The following SORCS1 variants were observed in gnomAD, a reference collection of about 807,000 sequenced individuals.
The protein encoded by SORCS1 is VPS10 domain-containing receptor SorCS1.
SORCS1 carries 60 observed loss-of-function variants against 146.1 expected under a neutral mutation model. The observed-to-expected ratio is 0.41, with a 90% confidence interval of 0.33 to 0.51. The LOEUF (loss-of-function observed/expected upper bound fraction) is 0.51. Among genes scored for constraint, SORCS1 ranks in the 20% least tolerant of loss-of-function variants. SORCS1 has a pLI of 0.21. For synonymous variants in SORCS1, 637 were observed against 584.0 expected, an observed-to-expected ratio of 1.09 and a Z score of -1.31; for missense variants, 1,352 against 1,487.6, an observed-to-expected ratio of 0.91 and a Z score of 1.50.
intron 2 of SORCS1, among the ~76,000 whole-genome samples, chr10:106,889,206 A>G (rs1951122340): frequency 6.6e-6 from 1 of 152,140 alleles, no homozygotes; most frequent in African/African-American, 2.4e-5. Flanking sequence ...CTTGGCAGAA[A>G]GCTCAATCTC....
intron 1 of SORCS1, among the ~76,000 whole-genome samples, chr10:107,076,329 T>C (rs1335756051): frequency 6.6e-6 from 1 of 152,162 alleles, no homozygotes; most frequent in Non-Finnish European, 1.5e-5. Flanking sequence ...ATCTACTTAA[T>C]ATTGCATAAG....
In SORCS1 at chr10:106,808,044, G is replaced by A. The variant is rs555244251; in HGVS notation, c.726+21530C>T. Among the ~76,000 whole-genome samples the A allele has an allele frequency of 5.9e-5, 9 of 152,200 alleles. No homozygotes were observed. The South Asian group carries it at 1.9e-3, about 32-fold the overall frequency. On this transcript the variant is annotated intron_variant, in intron 3 of 25. Coordinates refer to ENST00000263054, the MANE Select transcript of SORCS1 (RefSeq NM_052918.5). ...TTTATTTATTTTTATTTTTTTGATG[G>A]AGTTTCGCTCTTGTTGCCCAGGCTG...
intron 2 of SORCS1, among the ~76,000 whole-genome samples, chr10:106,886,743 A>G (rs1313361324): frequency 6.6e-6 from 1 of 152,252 alleles, no homozygotes; most frequent in Non-Finnish European, 1.5e-5. Context: ...TCTAGAATCC[A>G]GACCCTATAA....
intron 1 of SORCS1, among the ~76,000 whole-genome samples, chr10:107,095,474 C>A (rs985755666): frequency 6.6e-6 from 1 of 152,090 alleles, no homozygotes; most frequent in African/African-American, 2.4e-5. Context: ...AGGAAAAAAG[C>A]CACTGAAAGT....
At chr10:107,152,095 A>G (rs893376195) in intron 1 of SORCS1, among the ~76,000 whole-genome samples, 22 of 152,180 alleles carry the variant, frequency 1.4e-4, no homozygotes, top group Non-Finnish European at 2.6e-4. Context: ...GCTGTGGCTA[A>G]AAGAGGCCAA....
Position 107,164,581 on chromosome 10 carries a change from A to C in SORCS1, c.-55T>G. On this transcript the variant is annotated 5_prime_UTR_variant, in exon 1 of 26. Transcript: ENST00000263054. This position sits in a 1 kb window ranked among gnomAD's most constrained non-coding sequence, Gnocchi z 6.8. ...GTCCCAGAACGAAGGTGGCGGCACGAGCTCTGCGCTGGCGGCTGTGGGGGG... is the reference window on the plus strand; with the variant it reads ...GTCCCAGAACGAAGGTGGCGGCACGCGCTCTGCGCTGGCGGCTGTGGGGGG... 7.7e-7 allele frequency: 1 copy of C among 1,294,736 alleles called. No homozygotes were observed. Among genetic ancestry groups the C allele is most frequent in the African/African-American group, 1.6e-5 (1 of 64,100 alleles). The allele number at this position is 1,294,736 out of a possible 1,614,324, so 80.2% of individuals were successfully genotyped here. A position where few individuals can be genotyped will look rare whatever the true frequency, so the allele number is the denominator to read the frequency against.
chr10:106,881,141 G>T (rs1363837932), intron 2 of SORCS1, among the ~76,000 whole-genome samples: 1 of 149,856 alleles, frequency 6.7e-6, no homozygotes, highest in Non-Finnish European at 1.5e-5. Context: ...AAAGAGCAAT[G>T]ACTTTAGAAC....
At chr10:106,626,057 C>T (rs1203847485) in intron 19 of SORCS1, among the ~76,000 whole-genome samples, 2 of 152,166 alleles carry the variant, frequency 1.3e-5, no homozygotes, top group African/African-American at 4.8e-5. Flanking sequence ...GGAACATCGG[C>T]TCCATTTGTT....
At chr10:106,911,867 C>T (rs754106685) in intron 2 of SORCS1, among the ~76,000 whole-genome samples, 1 of 152,112 alleles carries the variant, frequency 6.6e-6, no homozygotes, top group Non-Finnish European at 1.5e-5. Context: ...GATCCCAGAA[C>T]TTTGGGAGGC....
intron 3 of SORCS1, among the ~76,000 whole-genome samples, chr10:106,806,660 T>G (rs1266295884): frequency 6.6e-6 from 1 of 150,838 alleles, no homozygotes; most frequent in East Asian, 2.0e-4. Flanking sequence ...GGAGTACAGG[T>G]GCCCGCCACC....
In SORCS1 at chr10:106,674,153, A is replaced by AG. The variant is rs1181202493; in HGVS notation, c.1940+895_1940+896insC. 7.2e-4 allele frequency among the ~76,000 whole-genome samples: 3 copies of AG among 4,138 alleles called. No homozygotes were observed. The Non-Finnish European group carries it at 8.1e-3, about 11-fold the overall frequency. The allele number at this position is 4,138 out of a possible 152,430, so 2.7% of individuals were successfully genotyped here. A position where few individuals can be genotyped will look rare whatever the true frequency, so the allele number is the denominator to read the frequency against. On this transcript the variant is annotated intron_variant, in intron 14 of 25. Coordinates refer to ENST00000263054, the MANE Select transcript of SORCS1 (RefSeq NM_052918.5). The stretch of plus-strand genomic sequence containing the variant: ...AACGTGGTGAAACTCTGTCTCTACT[A>AG]AAAAAAAAAAAAAAATTATAAAAAA...
chr10:107,156,585 C>T (rs1029586856), intron 1 of SORCS1, among the ~76,000 whole-genome samples: 4 of 152,194 alleles, frequency 2.6e-5, no homozygotes, highest in African/African-American at 4.8e-5. Flanking sequence ...TTCTTCCACT[C>T]TCACCCCAAC....
chr10:106,824,396 C>T (rs969957369), intron 3 of SORCS1, among the ~76,000 whole-genome samples: 4 of 151,728 alleles, frequency 2.6e-5, no homozygotes, highest in African/African-American at 7.3e-5. Flanking sequence ...TCAAGACCAG[C>T]CTGGCCAAGA....
chr10:106,791,159 T>C (rs1946301209), intron 3 of SORCS1, among the ~76,000 whole-genome samples: 1 of 152,234 alleles, frequency 6.6e-6, no homozygotes, highest in Admixed American at 6.5e-5. Context: ...TTCCTGCTTT[T>C]TAACCTGCTT....
intron 3 of SORCS1, among the ~76,000 whole-genome samples, chr10:106,807,285 G>A (rs1947236670): frequency 6.6e-6 from 1 of 152,188 alleles, no homozygotes; most frequent in Non-Finnish European, 1.5e-5. Context: ...ATGTTTGTGT[G>A]TAGACAGAGA....
chr10:106,827,035 T>C (rs2136982792), intron 3 of SORCS1, among the ~76,000 whole-genome samples: 1 of 151,380 alleles, frequency 6.6e-6, no homozygotes, highest in South Asian at 2.1e-4. Flanking sequence ...ATGGTTAGGC[T>C]CTTTGCTGTA....
rs140704298 is a variant in SORCS1, at chr10:107,152,531, C to G, written c.558+11438G>C. ...ACACATGGGACCTAGCGGGAGGTAA[C>G]TGAATCATGGGAGTGGCTACCTCCA... On this transcript the variant is annotated intron_variant, in intron 1 of 25. Transcript: ENST00000263054. Among the ~76,000 whole-genome samples, 776 of 152,276 alleles carry G rather than the reference C, an allele frequency of 5.1e-3. 3 individuals carry two copies. Among genetic ancestry groups the G allele is most frequent in the Middle Eastern group, 0.02 (6 of 294 alleles).
At chr10:106,727,611 C>G (rs750074304) in intron 6 of SORCS1, among the ~76,000 whole-genome samples, 1 of 151,394 alleles carries the variant, frequency 6.6e-6, no homozygotes, top group Non-Finnish European at 1.5e-5. Flanking sequence ...CGAATAAACA[C>G]GTAAAAAGAA....
intron 1 of SORCS1, among the ~76,000 whole-genome samples, chr10:107,124,459 T>A (rs1966587935): frequency 6.6e-6 from 1 of 152,140 alleles, no homozygotes; most frequent in Non-Finnish European, 1.5e-5. Flanking sequence ...CAGGTTTTAA[T>A]TTTTCCTTTT....
Sources: gnomAD v4.1 joint callset for allele counts (sites outside exome capture counted in the v4.1 genomes callset) on GRCh38, gnomAD v4.1.1 for gene constraint, Gnocchi (gnomAD v3.1) non-coding constraint, MANE v1.5 for transcripts, NCBI Gene and HGNC (gene_info 2026-07-23, HGNC 2026-07-21) for gene names.